Variants in MROH9 observed in about 807,000 individuals in gnomAD.
The protein encoded by MROH9 is maestro heat-like repeat-containing protein family member 9.
In MROH9, 92 loss-of-function variants were observed where a neutral mutation model predicts 98.2. The ratio of observed to expected loss-of-function variants is 0.94; its 90% confidence interval spans 0.79 to 1.11. The LOEUF is 1.11. Ranked by LOEUF, MROH9 falls within the 50% of genes most tolerant of loss-of-function variation. The pLI, the probability that MROH9 is intolerant of heterozygous loss-of-function variation, is 0.00. For missense variants in MROH9, 1,057 were observed against 1,014.8 expected, an observed-to-expected ratio of 1.04 and a Z score of -0.57; for synonymous variants, 397 against 368.9, an observed-to-expected ratio of 1.08 and a Z score of -0.87.
chr1:170,990,771 C>A (rs1463381981), intron 11 of MROH9, among the ~76,000 whole-genome samples: 3 of 152,134 alleles, frequency 2.0e-5, no homozygotes, highest in Non-Finnish European at 4.4e-5. Context: ...TTTGATAAAA[C>A]TCCCCGATGC....
In MROH9 at chr1:171,063,190, T is replaced by C. The variant is rs13375329; in HGVS notation, c.2345-909T>C. On this transcript the variant is annotated intron_variant, in intron 21 of 21. Transcript: ENST00000367759. ...CTTTTATCGAGAAATAAAATAGTAA[T>C]TTCTCACAGTCCACTATCTGGATAT... Among the ~76,000 whole-genome samples, 762 of 152,250 alleles carry C rather than the reference T, an allele frequency of 5.0e-3. 6 individuals carry two copies. Among genetic ancestry groups the C allele is most frequent in the African/African-American group, 0.017 (718 of 41,536 alleles).
intron 8 of MROH9, among the ~76,000 whole-genome samples, chr1:170,973,118 C>A (rs980991285): frequency 6.6e-6 from 1 of 150,562 alleles, no homozygotes; most frequent in Non-Finnish European, 1.5e-5. Context: ...CACACGCATA[C>A]ACACACACAC....
chr1:171,024,753 C>T lies in MROH9; in HGVS notation c.2166C>T (p.Ile722=). 6.5e-7 allele frequency: 1 copy of T among 1,542,062 alleles called. No individual in the cohort carries two copies. The highest frequency in any genetic ancestry group is 1.4e-5 in the African/African-American group (1 of 72,888). ...GTTTTGAGATGGTGGTGCTCAATAT[C>T]TGTAACAATCTTGTAAGTGGCCCTT... The part of the protein sequence containing the change: ...NYSFEMVVLN[I]CNNLIISHRN... Residue 722 remains isoleucine, a synonymous_variant, in exon 19 of 22, where the codon ATC becomes ATT. Coordinates refer to ENST00000367759, the MANE Select transcript of MROH9 (RefSeq NM_001163629.2).
rs772891725 is a variant in MROH9 at position 170,995,523 on chromosome 1, C to G, written c.1329C>G (p.Asp443Glu). ...YNSELKPILKDRALYAQDALR... is the reference protein window; with the variant it reads ...YNSELKPILKERALYAQDALR... ...GTGAGCTGAAACCGATACTCAAGGA[C>G]AGGGCTTTGTGAGTTAAAACTGGTT... The change falls in exon 13 of 22, where the codon GAC becomes GAG. Residue 443 changes from aspartate (D) to glutamate (E), a missense_variant. By Grantham distance (45) the Asp-to-Glu change is conservative. Transcript: ENST00000367759. The G allele has an allele frequency of 6.2e-7, 1 of 1,613,108 alleles. No individual in the cohort carries two copies. The highest frequency in any genetic ancestry group is 8.5e-7 in the Non-Finnish European group (1 of 1,179,382).
chr1:170,985,344 G>A lies in MROH9; in HGVS notation c.730-1217G>A, dbSNP rs202150527. Among the ~76,000 whole-genome samples the A allele has an allele frequency of 7.2e-5, 11 of 152,236 alleles. No individual in the cohort carries two copies. The East Asian group carries it at 7.7e-4, about 11-fold the overall frequency. ...TATTATGCAAACATTCAAGCAAGCG[G>A]CATCAAGAACATGTAACAACACGGC... On this transcript the variant is annotated intron_variant, in intron 9 of 21. Coordinates refer to ENST00000367759, the MANE Select transcript of MROH9 (RefSeq NM_001163629.2).
intron 7 of MROH9, among the ~76,000 whole-genome samples, chr1:170,971,248 T>TA (rs1280842017): frequency 6.6e-6 from 1 of 152,166 alleles, no homozygotes; most frequent in African/African-American, 2.4e-5. Flanking sequence ...ATCTGCATTT[T>TA]AAAAAAATGA....
intron 8 of MROH9, among the ~76,000 whole-genome samples, chr1:170,976,892 T>G (rs563086316): frequency 2.0e-5 from 3 of 152,298 alleles, no homozygotes; most frequent in African/African-American, 7.2e-5. Flanking sequence ...GGCCTCTTTA[T>G]ATAATCTTGT....
At chr1:171,030,022 G>T (rs1322998743) in intron 20 of MROH9, among the ~76,000 whole-genome samples, 1 of 152,094 alleles carries the variant, frequency 6.6e-6, no homozygotes. Flanking sequence ...GTTTAGACTT[G>T]GGAGTGTGTA....
chr1:170,984,984 C>A (rs1651076357), intron 9 of MROH9, among the ~76,000 whole-genome samples: 2 of 152,036 alleles, frequency 1.3e-5, no homozygotes, highest in East Asian at 3.9e-4. Context: ...AAGCTGGAAG[C>A]AAAGCACCAT....
At chr1:170,971,561 A>G (rs982333131) in intron 7 of MROH9, among the ~76,000 whole-genome samples, 187 bp from the exon 8 acceptor site, 1 of 152,190 alleles carries the variant, frequency 6.6e-6, no homozygotes, top group Admixed American at 6.5e-5. Flanking sequence ...AGTGGAATTT[A>G]TTGTCTTCAT....
At chr1:171,001,423 C>T (rs1462499186) in intron 15 of MROH9, among the ~76,000 whole-genome samples, 1 of 152,054 alleles carries the variant, frequency 6.6e-6, no homozygotes, top group Non-Finnish European at 1.5e-5. Context: ...AGCTGTATCC[C>T]AGAGGTTTTG....
chr1:170,957,403 C>T (rs1202428776), intron 3 of MROH9, among the ~76,000 whole-genome samples: 1 of 152,132 alleles, frequency 6.6e-6, no homozygotes, highest in Non-Finnish European at 1.5e-5. Context: ...ATTCAGTTTT[C>T]CCAACATCAT....
chr1:170,957,994 A>T (rs183680120), intron 3 of MROH9, among the ~76,000 whole-genome samples: 3 of 152,210 alleles, frequency 2.0e-5, no homozygotes, highest in Non-Finnish European at 2.9e-5. Context: ...TATTTTTAGT[A>T]GAGACGGGGT....
rs1480582945 is a variant in MROH9, at chr1:171,045,931, CTCTT to C, written c.2282-16198_2282-16195del. ...TATTATTATATTGAAGCCCATCTCT[CTCTT>C]TCACTCTAATAGTATTTCCTCTATA... On this transcript the variant is annotated intron_variant, in intron 20 of 21. Transcript: ENST00000367759. Among the ~76,000 whole-genome samples, 31 of 152,242 alleles carry C rather than the reference CTCTT, an allele frequency of 2.0e-4. 1 individual carries two copies. The East Asian group carries it at 5.4e-3, about 27-fold the overall frequency.
chr1:170,998,081 A>C, intron 14 of MROH9, 73 bp from the exon 15 acceptor site: 1 of 1,140,210 alleles, frequency 8.8e-7, no homozygotes, highest in East Asian at 2.4e-5. Flanking sequence ...TATTAGAATA[A>C]TGATTCTCTC....
chr1:171,013,684 G>C (rs925725951), intron 15 of MROH9, among the ~76,000 whole-genome samples: 1 of 151,956 alleles, frequency 6.6e-6, no homozygotes, highest in Non-Finnish European at 1.5e-5. Context: ...CAGGGTTGTG[G>C]GTTGCTACCG....
chr1:171,050,385 A>G (rs776151561), intron 20 of MROH9, among the ~76,000 whole-genome samples: 2 of 152,120 alleles, frequency 1.3e-5, no homozygotes, highest in Non-Finnish European at 1.5e-5. Context: ...TCTTATAGAG[A>G]TCTTTCACCT....
At chr1:171,052,221 G>T (rs572626018) in intron 20 of MROH9, among the ~76,000 whole-genome samples, 1 of 152,288 alleles carries the variant, frequency 6.6e-6, no homozygotes, top group African/African-American at 2.4e-5. Flanking sequence ...TATTCCTGCG[G>T]AATCAGTTGT....
At chr1:170,991,179 C>T (rs1237749061) in intron 11 of MROH9, among the ~76,000 whole-genome samples, 1 of 152,076 alleles carries the variant, frequency 6.6e-6, no homozygotes, top group Admixed American at 6.6e-5. Context: ...GTTAGGTGAA[C>T]TTAATCAAAG....
Sources: gnomAD v4.1 joint callset for allele counts (sites outside exome capture counted in the v4.1 genomes callset) on GRCh38, gnomAD v4.1.1 for gene constraint, MANE v1.5 for transcripts, NCBI Gene and HGNC (gene_info 2026-07-23, HGNC 2026-07-21) for gene names.